The following EMC1 variants were observed in gnomAD, a reference collection of about 807,000 sequenced individuals.
The protein encoded by EMC1 is KIAA0090.
A neutral mutation model predicts 128.8 loss-of-function variants in EMC1; 103 were observed. The observed-to-expected ratio is 0.80, with a 90% confidence interval of 0.68 to 0.94. The LOEUF (loss-of-function observed/expected upper bound fraction) is 0.94, where lower values mean the gene tolerates loss of function less well. Ranked by LOEUF, EMC1 falls within the 40% of genes least tolerant of loss-of-function variation. The pLI, the probability that EMC1 is intolerant of heterozygous loss-of-function variation, is 0.00. For missense variants in EMC1, 1,083 were observed against 1,250.6 expected (o/e 0.87, Z 2.02); for synonymous variants, 442 against 490.4 (o/e 0.90, Z 1.30).
intron 2 of EMC1, among the ~76,000 whole-genome samples, 181 bp from the exon 3 acceptor site, chr1:19,244,196 T>G (rs560720558): frequency 6.6e-6 from 1 of 152,058 alleles, no homozygotes; most frequent in South Asian, 2.1e-4. Context: ...GTAGAAGGGG[T>G]TAAGAGGGGC....
At chr1:19,236,967 C>CAAAAAAA (rs35897979) in intron 12 of EMC1, among the ~76,000 whole-genome samples, 175 bp downstream of exon 12, 1 of 58,390 alleles carries the variant, frequency 1.7e-5, no homozygotes, top group Non-Finnish European at 3.2e-5. Context: ...GACTCTATCT[C>CAAAAAAA]AAAAAAAAAA....
In EMC1 at chr1:19,219,284, TA is replaced by T; in HGVS notation, c.*18del. 6.2e-7 allele frequency: 1 copy of T among 1,613,778 alleles called. No individual in the cohort carries two copies. The highest frequency in any genetic ancestry group is 1.1e-5 in the South Asian group (1 of 91,052). On this transcript the variant is annotated 3_prime_UTR_variant, in exon 23 of 23. Transcript: ENST00000477853. ...CCACACTCCCCTGGCTCTCCACTTT[TA>T]GGCACAGTCTTTGTTCTTTATCGCC...
intron 18 of EMC1, among the ~76,000 whole-genome samples, chr1:19,225,854 A>AATGTTAAGT (rs1318555928): frequency 6.6e-6 from 1 of 151,958 alleles, no homozygotes; most frequent in Non-Finnish European, 1.5e-5. Context: ...CACTAATAAT[A>AATGTTAAGT]ATGTTAAGTA....
intron 9 of EMC1, 107 bp downstream of exon 9, chr1:19,239,123 TG>T: frequency 9.5e-7 from 1 of 1,049,198 alleles, no homozygotes; most frequent in Non-Finnish European, 1.5e-6. Flanking sequence ...TCCTGCCCGC[TG>T]GGTTCAAACT....
chr1:19,245,071 TCAC>T, intron 1 of EMC1, 41 bp from the exon 2 acceptor site: 1 of 1,606,996 alleles, frequency 6.2e-7, no homozygotes, highest in Non-Finnish European at 8.5e-7. Flanking sequence ...GGAGCTAAAA[TCAC>T]CATTCCACAA....
chr1:19,221,546 G>A (rs148391537), intron 20 of EMC1: 2,975 of 148,954 alleles, frequency 0.02, 40 homozygotes, highest in South Asian at 0.057. Context: ...TGAGGCAGGA[G>A]AATCACTTGA....
intron 6 of EMC1, chr1:19,240,735 G>A: frequency 1.8e-6 from 1 of 570,056 alleles, no homozygotes; most frequent in Non-Finnish European, 3.1e-6. Flanking sequence ...TACTATATTT[G>A]CCATATGTGG....
Position 19,232,783 on chromosome 1 carries a change from A to C in EMC1, c.1633-10T>G. 6.2e-7 allele frequency: 1 copy of C among 1,614,078 alleles called. No homozygotes were observed. Among genetic ancestry groups the C allele is most frequent in the Non-Finnish European group, 8.5e-7 (1 of 1,179,928 alleles). On this transcript the variant is annotated splice_polypyrimidine_tract_variant and intron_variant, in intron 14 of 22. Coordinates refer to ENST00000477853, the MANE Select transcript of EMC1 (RefSeq NM_015047.3). ...TCTCAATGCCAAAAAGCTGCAAGAT[A>C]AACAAATACTTGGCTCACTACTAGA...
intron 1 of EMC1, among the ~76,000 whole-genome samples, chr1:19,245,984 T>C (rs2093630385): frequency 6.6e-6 from 1 of 152,068 alleles, no homozygotes; most frequent in South Asian, 2.1e-4. Context: ...CTTGGTAGCC[T>C]ACCATGTGAG....
chr1:19,224,878 A>G (rs2093460082), intron 18 of EMC1, among the ~76,000 whole-genome samples: 1 of 152,040 alleles, frequency 6.6e-6, no homozygotes, highest in African/African-American at 2.4e-5. Context: ...TGTTTCTCAC[A>G]CATACCAGGA....
Position 19,218,056 on chromosome 1 carries a change from A to G in EMC1, c.*1247T>C, listed in dbSNP as rs1558086768. 6.6e-6 allele frequency: 1 copy of G among 152,224 alleles called. No individual in the cohort carries two copies. The highest frequency in any genetic ancestry group is 1.5e-5 in the Non-Finnish European group (1 of 68,040). 9.4% of individuals were successfully genotyped at this position (152,224 alleles called of 1,614,324 possible). On this transcript the variant is annotated 3_prime_UTR_variant, in exon 23 of 23. Coordinates refer to ENST00000477853, the MANE Select transcript of EMC1 (RefSeq NM_015047.3). ...CTAATGTGAAAATAGCCTCAAAATGATCTTCTAAGACACAAAAGAGGACTT... is the reference window on the plus strand; with the variant it reads ...CTAATGTGAAAATAGCCTCAAAATGGTCTTCTAAGACACAAAAGAGGACTT...
chr1:19,219,792 A>G (rs1359094008), intron 21 of EMC1, 94 bp from the exon 22 acceptor site: 2 of 1,433,922 alleles, frequency 1.4e-6, no homozygotes, highest in South Asian at 1.2e-5. Context: ...TCCAGGCTAC[A>G]TATCTAGCCT....
At chr1:19,236,075 C>T (rs2093561196) in intron 12 of EMC1, among the ~76,000 whole-genome samples, 2 of 151,932 alleles carry the variant, frequency 1.3e-5, no homozygotes, top group Admixed American at 1.3e-4. Flanking sequence ...CCAAGTTATT[C>T]TTCAAAAGCA....
chr1:19,232,947 C>T lies in EMC1; in HGVS notation c.1621G>A (p.Ala541Thr), dbSNP rs200921330. ...NLQKMMVMVT[A>T]SGKLFGIESS... is the part of the protein sequence containing the mutation. The stretch of plus-strand genomic sequence containing the variant: ...TAAACCCCACTCACCTTGCCTGAGG[C>T]TGTTACCATCACCATCATCTTCTGG... The change falls in exon 14 of 23, where the codon GCC becomes ACC. Residue 541 changes from alanine (A) to threonine (T), a missense_variant. Around this residue, in one of 3 missense-constraint regions of EMC1, gnomAD observed 527 missense variants for 644.1 expected, o/e 0.82. Transcript: ENST00000477853. 6.2e-6 allele frequency: 10 copies of T among 1,614,072 alleles called. No individual in the cohort carries two copies. The East Asian group carries it at 2.2e-4, about 36-fold the overall frequency.
Position 19,219,626 on chromosome 1 carries a change from T to G in EMC1, c.2745A>C (p.Thr915=), listed in dbSNP as rs143947690. The change falls in exon 22 of 23, where the codon ACA becomes ACC. Residue 915 remains threonine (T), a synonymous_variant. Coordinates refer to ENST00000477853, the MANE Select transcript of EMC1 (RefSeq NM_015047.3). The part of the protein sequence containing the change: ...HAERFINYNQ[T]VSRMRGIYTA... ...TGTAGATACCTCGCATTCGAGAAAC[T>G]GTCTGGTTATAGTTGATGAATCGCT... The G allele has an allele frequency of 1.1e-5, 17 of 1,611,834 alleles. No individual in the cohort carries two copies. In the African/African-American group the frequency reaches 2.0e-4, roughly 19 times the overall value.
chr1:19,231,814 G>A (rs2093524598), intron 15 of EMC1, among the ~76,000 whole-genome samples: 1 of 152,056 alleles, frequency 6.6e-6, no homozygotes, highest in South Asian at 2.1e-4. Flanking sequence ...TGTAGAGAGG[G>A]GTTTCACCAT....
At chr1:19,250,340 C>CCATTCATT (rs574838173) in intron 1 of EMC1, among the ~76,000 whole-genome samples, 11 of 151,514 alleles carry the variant, frequency 7.3e-5, no homozygotes, top group Non-Finnish European at 1.2e-4. Flanking sequence ...TTAGGAAATG[C>CCATTCATT]CATTCATTCA....
chr1:19,231,509 A>G (rs2093521666), intron 15 of EMC1, 87 bp from the exon 16 acceptor site: 3 of 1,369,838 alleles, frequency 2.2e-6, no homozygotes, highest in Non-Finnish European at 3.0e-6. Context: ...CTCCAGCTCA[A>G]CAACTGTGGG....
chr1:19,249,957 C>T (rs2093649649), intron 1 of EMC1, among the ~76,000 whole-genome samples: 1 of 152,032 alleles, frequency 6.6e-6, no homozygotes, highest in Admixed American at 6.6e-5. Flanking sequence ...GTGGCTCCCA[C>T]CTGTAATTCC....
Sources: gnomAD v4.1 joint callset for allele counts (sites outside exome capture counted in the v4.1 genomes callset) on GRCh38, gnomAD v4.1.1 for gene constraint, gnomAD v4.1.1 regional missense constraint, MANE v1.5 for transcripts, NCBI Gene and HGNC (gene_info 2026-07-23, HGNC 2026-07-21) for gene names.